PPARGC1B: variants seen among roughly 807,000 people sequenced by gnomAD.
The protein encoded by PPARGC1B is PPARG coactivator 1 beta.
A neutral mutation model predicts 101.6 loss-of-function variants in PPARGC1B; 34 were observed. That is an observed-to-expected ratio of 0.33 (90% confidence interval 0.25 to 0.45). The LOEUF (loss-of-function observed/expected upper bound fraction) is 0.45. PPARGC1B is among the 20% of genes least tolerant of loss of function. The pLI is 1.00. For missense variants in PPARGC1B, 1,234 were observed against 1,317.6 expected (o/e 0.94, Z 0.98); for synonymous variants, 548 against 539.3 (o/e 1.02, Z -0.22).
At chr5:149,828,287 G>A (rs983657740) in intron 3 of PPARGC1B, among the ~76,000 whole-genome samples, 1 of 152,148 alleles carries the variant, frequency 6.6e-6, no homozygotes, top group South Asian at 2.1e-4. Flanking sequence ...GACTGGAATC[G>A]AAGCACCTAG....
chr5:149,832,721 A>G lies in PPARGC1B; in HGVS notation c.648A>G (p.Leu216=), dbSNP rs766651606. Residue 216 remains leucine (L), a synonymous_variant, in exon 5 of 12, where the codon CTA becomes CTG. Transcript: ENST00000309241. This position sits in a 1 kb window ranked among gnomAD's most constrained non-coding sequence, Gnocchi z 4.9. ...CTCAGAGCCGAAGTTGTACAGAACT[A>G]CATAAGCACCTCACCTCGGCACAGT... ...MQSQSRSCTE[L]HKHLTSAQCC... 1.2e-6 allele frequency: 2 copies of G among 1,601,872 alleles called. No individual in the cohort carries two copies. Among genetic ancestry groups the G allele is most frequent in the Admixed American group, 3.4e-5 (2 of 58,400 alleles).
intron 1 of PPARGC1B, among the ~76,000 whole-genome samples, chr5:149,791,089 GAC>G (rs1326811146): frequency 1.3e-5 from 2 of 151,770 alleles, no homozygotes; most frequent in East Asian, 3.9e-4. Flanking sequence ...AGGAGTTCAA[GAC>G]CAGCCTGGCC....
chr5:149,775,827 C>T (rs533451839), intron 1 of PPARGC1B, among the ~76,000 whole-genome samples: 21 of 152,296 alleles, frequency 1.4e-4, no homozygotes, highest in Admixed American at 1.4e-3. Context: ...CCCCTACCCC[C>T]TTCTCTTTCT....
chr5:149,832,939 A>G lies in PPARGC1B; in HGVS notation c.866A>G (p.Gln289Arg). 1.9e-6 allele frequency: 3 copies of G among 1,613,150 alleles called. No homozygotes were observed. In the South Asian group the frequency reaches 3.3e-5, roughly 18 times the overall value. ...VSQEDMQAMV[Q>R]LIRYMHTYCL... Reference sequence around the variant, plus strand: ...CAGGAAGACATGCAGGCGATGGTGCAACTCATACGCTACATGCACACCTAC... The same window carrying G: ...CAGGAAGACATGCAGGCGATGGTGCGACTCATACGCTACATGCACACCTAC... Residue 289 changes from glutamine to arginine, a missense_variant, in exon 5 of 12, where the codon CAA (glutamine) becomes CGA (arginine). Physicochemically the swap from Gln to Arg is conservative, Grantham distance 43 (BLOSUM62 1). Transcript: ENST00000309241. This position sits in a 1 kb window ranked among gnomAD's most constrained non-coding sequence, Gnocchi z 4.9.
chr5:149,814,670 G>A (rs756048219), intron 1 of PPARGC1B, among the ~76,000 whole-genome samples: 9 of 152,232 alleles, frequency 5.9e-5, no homozygotes, highest in Non-Finnish European at 8.8e-5. Flanking sequence ...CAGGAAAGTA[G>A]AGCCACCAAT....
chr5:149,848,414 T>A lies in PPARGC1B; in HGVS notation c.*856T>A, dbSNP rs1759655761. ...GGCGAAATGACTGTGGGAGGTCCGG[T>A]TACCAGTGAGGAGGCAGAGCGGTGA... On this transcript the variant is annotated 3_prime_UTR_variant, in exon 12 of 12. Coordinates refer to ENST00000309241, the MANE Select transcript of PPARGC1B (RefSeq NM_133263.4). 1 of 152,204 alleles carries A rather than the reference T, an allele frequency of 6.6e-6. No individual in the cohort carries two copies. The highest frequency in any genetic ancestry group is 2.1e-4 in the South Asian group (1 of 4,822). The allele number at this position is 152,204 out of a possible 1,614,324, so 9.4% of individuals were successfully genotyped here.
At chr5:149,803,320 G>A (rs1373041070) in intron 1 of PPARGC1B, among the ~76,000 whole-genome samples, 1 of 152,100 alleles carries the variant, frequency 6.6e-6, no homozygotes, top group Non-Finnish European at 1.5e-5. Flanking sequence ...GTGACTTTAG[G>A]CAGCTCACTT....
At chr5:149,761,620 C>G (rs1394771906) in intron 1 of PPARGC1B, 1 of 152,282 alleles carries the variant, frequency 6.6e-6, no homozygotes, top group East Asian at 1.9e-4. Flanking sequence ...GTGGTATGTA[C>G]ATATAACAGA....
chr5:149,730,506 C>G lies in PPARGC1B; in HGVS notation c.78+86C>G. On this transcript the variant is annotated intron_variant, in intron 1 of 11. Coordinates refer to ENST00000309241, the MANE Select transcript of PPARGC1B (RefSeq NM_133263.4). This position sits in a 1 kb window ranked among gnomAD's most constrained non-coding sequence, Gnocchi z 4.0. ...TGCAGCCGCGGAGGCCGGGAGGCAGCGGTGGGAGCCCTGGGGTAACTGGGG... is the reference window on the plus strand; with the variant it reads ...TGCAGCCGCGGAGGCCGGGAGGCAGGGGTGGGAGCCCTGGGGTAACTGGGG... 1 of 1,132,802 alleles carries G rather than the reference C, an allele frequency of 8.8e-7. No homozygotes were observed. Among genetic ancestry groups the G allele is most frequent in the Non-Finnish European group, 1.2e-6 (1 of 820,168 alleles). 70.2% of individuals were successfully genotyped at this position (1,132,802 alleles called of 1,614,324 possible).
rs778591092 is a variant in PPARGC1B, at chr5:149,836,461, G to A, written c.2006G>A (p.Arg669Gln). The A allele has an allele frequency of 9.9e-6, 16 of 1,613,866 alleles. No homozygotes were observed. The highest frequency in any genetic ancestry group is 8.9e-5 in the East Asian group (4 of 44,878). ...PERSELLSHL[R>Q]HATAQPASQA... ...CGAAGTGAGCTCCTGTCCCACCTGC[G>A]ACATGCCACAGCCCAGCCAGCCTCC... is the stretch of plus-strand genomic sequence containing the variant. The change falls in exon 8 of 12, where the codon CGA (arginine) becomes CAA (glutamine). Residue 669 changes from arginine (R) to glutamine (Q), a missense_variant. Around this residue, in one of 3 missense-constraint regions of PPARGC1B, gnomAD observed 497 missense variants for 529.5 expected, o/e 0.94. Coordinates refer to ENST00000309241, the MANE Select transcript of PPARGC1B (RefSeq NM_133263.4).
intron 1 of PPARGC1B, 90 bp from the exon 2 acceptor site, chr5:149,820,343 C>T: frequency 7.7e-7 from 1 of 1,292,598 alleles, no homozygotes; most frequent in South Asian, 1.4e-5. Context: ...GGCCACGGGT[C>T]CAGATTAGCT....
Position 149,847,461 on chromosome 5 carries a change from C to G in PPARGC1B, c.2975C>G (p.Ser992Cys), listed in dbSNP as rs750053639. Residue 992 changes from serine to cysteine, a missense_variant, in exon 12 of 12, where the codon TCC (serine) becomes TGC (cysteine). Ser to Cys is a moderately radical substitution (Grantham distance 112). Around this residue, in one of 3 missense-constraint regions of PPARGC1B, gnomAD observed 497 missense variants for 529.5 expected, o/e 0.94. Coordinates refer to ENST00000309241, the MANE Select transcript of PPARGC1B (RefSeq NM_133263.4). ...GCCTCTTCACCCCCATGCCCAGATT[C>G]CAATTCAGAAGAGGCCCTTCCTGCG... ...FCWPRYTDYD[S>C]NSEEALPASG... The G allele has an allele frequency of 3.7e-6, 6 of 1,613,294 alleles. No homozygotes were observed. In the East Asian group the frequency reaches 8.9e-5, roughly 24 times the overall value.
intron 1 of PPARGC1B, among the ~76,000 whole-genome samples, chr5:149,733,294 G>A (rs538424855): frequency 6.6e-5 from 10 of 152,324 alleles, no homozygotes; most frequent in South Asian, 2.1e-4. Flanking sequence ...CAAGGATTGC[G>A]AAAGTTTCTT....
chr5:149,749,650 G>GT (rs202014316), intron 1 of PPARGC1B, among the ~76,000 whole-genome samples: 2,185 of 152,270 alleles, frequency 0.014, 28 homozygotes, highest in Admixed American at 0.02. Context: ...GGAAAATCTT[G>GT]TTTTTTGCAT....
At position 149,833,154 on chromosome 5, in the gene PPARGC1B, C is replaced by G; in HGVS notation, c.1081C>G (p.Leu361Val). 1.2e-6 allele frequency: 2 copies of G among 1,613,712 alleles called. No individual in the cohort carries two copies. The highest frequency in any genetic ancestry group is 1.7e-6 in the Non-Finnish European group (2 of 1,180,042). Residue 361 changes from leucine to valine, a missense_variant, in exon 5 of 12, where the codon CTG becomes GTG. This residue lies in a region of PPARGC1B where 734 missense variants were observed against 768.4 expected (regional missense o/e 0.96). Coordinates refer to ENST00000309241, the MANE Select transcript of PPARGC1B (RefSeq NM_133263.4). The surrounding 1 kb of genome is among the most constrained non-coding windows in gnomAD (Gnocchi z 4.1). ...CTGTGATGTCAGCAAACCCTACCGT[C>G]TGGCCACGCCTGTTTATGCCTCCCT... ...VLCDVSKPYR[L>V]ATPVYASLTP... is the part of the protein sequence containing the mutation.
chr5:149,814,513 G>A (rs576824565), intron 1 of PPARGC1B, among the ~76,000 whole-genome samples: 2 of 152,236 alleles, frequency 1.3e-5, no homozygotes, highest in Admixed American at 1.3e-4. Flanking sequence ...CCCAATGAAG[G>A]ACGCATAGTG....
intron 1 of PPARGC1B, among the ~76,000 whole-genome samples, chr5:149,820,218 G>A (rs1009968610): frequency 6.6e-6 from 1 of 152,216 alleles, no homozygotes; most frequent in African/African-American, 2.4e-5. Context: ...GGAGTGCAGA[G>A]GGGAGAGCAG....
In PPARGC1B at chr5:149,842,361, C is replaced by G; in HGVS notation, c.2800C>G (p.Leu934Val). The G allele has an allele frequency of 6.2e-7, 1 of 1,613,848 alleles. No homozygotes were observed. Among genetic ancestry groups the G allele is most frequent in the Non-Finnish European group, 8.5e-7 (1 of 1,179,832 alleles). The change falls in exon 10 of 12, where the codon CTG (leucine) becomes GTG (valine). Residue 934 changes from leucine (L) to valine (V), a missense_variant. Leu to Val is a conservative substitution (Grantham distance 32). Transcript: ENST00000309241. ...TGGTGAGATTGAGGAGTGCGAGGTGCTGACAAGAAATAGGAGGTGAGTTGA... is the reference window on the plus strand; with the variant it reads ...TGGTGAGATTGAGGAGTGCGAGGTGGTGACAAGAAATAGGAGGTGAGTTGA... ...VFGEIEECEV[L>V]TRNRRGEKYG...
Position 149,847,539 on chromosome 5 carries a change from C to T in PPARGC1B, c.3053C>T (p.Ala1018Val), listed in dbSNP as rs1759614203. Residue 1018 changes from alanine (A) to valine (V), a missense_variant, in exon 12 of 12, where the codon GCC (alanine) becomes GTC (valine). Physicochemically the swap from Ala to Val is moderately conservative, Grantham distance 64. This residue lies in a region of PPARGC1B where 497 missense variants were observed against 529.5 expected (regional missense o/e 0.94). Coordinates refer to ENST00000309241, the MANE Select transcript of PPARGC1B (RefSeq NM_133263.4). ...GATTTTGACAGCTTACTGAAAGAGG[C>T]CCAGCAGAGCCTGCATTGATAACAG... ...AMDFDSLLKEAQQSLH is the reference protein window; with the variant it reads ...AMDFDSLLKEVQQSLH 1 of 1,613,868 alleles carries T rather than the reference C, an allele frequency of 6.2e-7. No individual in the cohort carries two copies. Among genetic ancestry groups the T allele is most frequent in the African/African-American group, 1.3e-5 (1 of 75,034 alleles).
Sources: allele counts gnomAD v4.1 joint callset (sites outside exome capture counted in the v4.1 genomes callset), GRCh38; gene constraint gnomAD v4.1.1; regional missense constraint gnomAD v4.1.1; non-coding constraint Gnocchi (gnomAD v3.1); transcripts MANE v1.5; gene names NCBI Gene and HGNC (gene_info 2026-07-23, HGNC 2026-07-21).